ATL3: variants seen among roughly 807,000 people sequenced by gnomAD.
The protein encoded by ATL3 is atlastin GTPase 3, also known as atlastin-3.
Under a neutral mutation model 69.5 loss-of-function variants are expected in ATL3, and 49 were observed. The ratio of observed to expected loss-of-function variants is 0.71; its 90% CI spans 0.56 to 0.89. The LOEUF is 0.89. Ranked by LOEUF, ATL3 falls within the 40% of genes least tolerant of loss-of-function variation. The probability of loss-of-function intolerance (pLI) is 0.00; values close to 1 mark genes in which losing one functional copy is unlikely to be tolerated. For missense variants in ATL3, 606 were observed against 645.7 expected, an observed-to-expected ratio of 0.94 and a Z score of 0.67; for synonymous variants, 214 against 224.1, an observed-to-expected ratio of 0.95 and a Z score of 0.40.
At chr11:63,639,725 A>T (rs929434528) in intron 8 of ATL3, among the ~76,000 whole-genome samples, 16 of 152,196 alleles carry the variant, frequency 1.1e-4, no homozygotes, top group Non-Finnish European at 1.9e-4. Context: ...ACTGCACTCC[A>T]TCCTGGGCAA....
upstream of ATL3, chr11:63,671,689 CA>C: frequency 7.5e-7 from 1 of 1,324,650 alleles, no homozygotes; most frequent in Non-Finnish European, 9.8e-7. Context: ...GTCCCGCGCT[CA>C]CTGGGTCCCG....
Position 63,671,271 on chromosome 11 carries a change from G to A in ATL3, c.46+19C>T, listed in dbSNP as rs1247106004. The A allele has an allele frequency of 2.5e-6, 4 of 1,576,878 alleles. No homozygotes were observed. Among genetic ancestry groups the A allele is most frequent in the Non-Finnish European group, 3.4e-6 (4 of 1,164,148 alleles). On this transcript the variant is annotated intron_variant, in intron 1 of 12. Coordinates refer to ENST00000398868, the MANE Select transcript of ATL3 (RefSeq NM_015459.5). ...GCGGGGGTGGCCGCGGGGCGATCCA[G>A]GGAAAATCGGCGCCTCACCTGCTCC...
Position 63,647,051 on chromosome 11 carries a change from T to C in ATL3, c.562-488A>G, listed in dbSNP as rs147989346. 2.0e-4 allele frequency among the ~76,000 whole-genome samples: 31 copies of C among 152,312 alleles called. No homozygotes were observed. In the East Asian group the frequency reaches 6.0e-3, roughly 29 times the overall value. On this transcript the variant is annotated intron_variant, in intron 5 of 12. Transcript: ENST00000398868. ...TCGTACTGGCTCCTCCCACTAACTA[T>C]AAGTTCTTCTCCCAAATTTCCTCAT... is the stretch of plus-strand genomic sequence containing the variant.
intron 1 of ATL3, among the ~76,000 whole-genome samples, chr11:63,665,260 G>A (rs1470070695): frequency 2.0e-5 from 3 of 151,478 alleles, no homozygotes; most frequent in Admixed American, 6.6e-5. Context: ...CAGGAGAATC[G>A]CTTGAACCCC....
rs556712044 is a variant in ATL3, at chr11:63,660,556, T to G, written c.47-1304A>C. Among the ~76,000 whole-genome samples the G allele has an allele frequency of 9.2e-5, 14 of 152,298 alleles. No homozygotes were observed. The South Asian group carries it at 2.5e-3, about 27-fold the overall frequency. Reference sequence around the variant, plus strand: ...TATATCTGTGATCCAGCAATTCTACTCCTAGGTATACACCTAAGAGAAATG... The same window carrying G: ...TATATCTGTGATCCAGCAATTCTACGCCTAGGTATACACCTAAGAGAAATG... On this transcript the variant is annotated intron_variant, in intron 1 of 12. Coordinates refer to ENST00000398868, the MANE Select transcript of ATL3 (RefSeq NM_015459.5).
intron 6 of ATL3, among the ~76,000 whole-genome samples, chr11:63,645,221 C>T (rs945016392): frequency 6.6e-6 from 1 of 151,956 alleles, no homozygotes; most frequent in Non-Finnish European, 1.5e-5. Flanking sequence ...AGCCGGTCAA[C>T]ATGATGAAAC....
At chr11:63,632,583 A>C (rs1165846425) in intron 11 of ATL3, 6 of 852,496 alleles carry the variant, frequency 7.0e-6, no homozygotes, top group Admixed American at 3.4e-5. Flanking sequence ...ATAAATCTAC[A>C]GAATTCTACA....
intron 1 of ATL3, among the ~76,000 whole-genome samples, chr11:63,660,120 A>T (rs1348748657): frequency 6.6e-6 from 1 of 151,930 alleles, no homozygotes; most frequent in Non-Finnish European, 1.5e-5. Flanking sequence ...AGAAAATAAA[A>T]TGACAACACA....
In ATL3 at chr11:63,631,127, G is replaced by A. The variant is rs370704908; in HGVS notation, c.1452C>T (p.Leu484=). 10 of 1,614,020 alleles carry A rather than the reference G, an allele frequency of 6.2e-6. No homozygotes were observed. Among genetic ancestry groups the A allele is most frequent in the African/African-American group, 1.3e-5 (1 of 74,908 alleles). ...AATACCTGATGTAGCCCCAGGTGAG[G>A]AGTGCTATTAACAGTAGTCCAACCA... The part of the protein sequence containing the change: ...NCMVGLLLIA[L]LTWGYIRYSG... The change falls in exon 12 of 13, where the codon CTC becomes CTT. Residue 484 remains leucine (L), a synonymous_variant. Transcript: ENST00000398868.
intron 1 of ATL3, among the ~76,000 whole-genome samples, chr11:63,667,254 A>C (rs1940596407): frequency 6.6e-6 from 1 of 152,216 alleles, no homozygotes; most frequent in South Asian, 2.1e-4. Context: ...TCATTGCTGT[A>C]AATAGCTCAT....
chr11:63,660,137 A>C (rs572465287), intron 1 of ATL3, among the ~76,000 whole-genome samples: 1 of 152,050 alleles, frequency 6.6e-6, no homozygotes, highest in South Asian at 2.1e-4. Flanking sequence ...CACAGACTTC[A>C]TTAAAATTAA....
intron 8 of ATL3, among the ~76,000 whole-genome samples, chr11:63,638,105 A>T (rs1167156771): frequency 2.6e-5 from 4 of 152,226 alleles, no homozygotes; most frequent in African/African-American, 9.6e-5. Flanking sequence ...CAGGATCCAG[A>T]TGCTACACTT....
chr11:63,671,511 G>A (rs1940782225), upstream of ATL3: 2 of 1,442,516 alleles, frequency 1.4e-6, no homozygotes, highest in Non-Finnish European at 1.8e-6. Context: ...CGGTCTGCGT[G>A]GCCCAACGGA....
chr11:63,669,021 G>A (rs1260623958), intron 1 of ATL3, among the ~76,000 whole-genome samples: 2 of 136,750 alleles, frequency 1.5e-5, no homozygotes, highest in Non-Finnish European at 3.2e-5. Flanking sequence ...GGGTGGGGGG[G>A]GGCGTCTCAC....
chr11:63,671,303 G>A lies in ATL3; in HGVS notation c.33C>T (p.Ala11=), dbSNP rs765621573. Reference sequence around the variant, plus strand: ...TCGGCGCCTCACCTGCTCCTCTTGAGGCAGCTGCTGCCACTCGCTGAGGGG... The same window carrying A: ...TCGGCGCCTCACCTGCTCCTCTTGAAGCAGCTGCTGCCACTCGCTGAGGGG... The part of the protein sequence containing the change: MLSPQRVAAA[A]SRGADDAMES... Residue 11 remains alanine (A), a synonymous_variant, in exon 1 of 13, where the codon GCC becomes GCT. Coordinates refer to ENST00000398868, the MANE Select transcript of ATL3 (RefSeq NM_015459.5). 1.9e-6 allele frequency: 3 copies of A among 1,587,712 alleles called. No individual in the cohort carries two copies. Among genetic ancestry groups the A allele is most frequent in the Non-Finnish European group, 2.6e-6 (3 of 1,168,944 alleles).
In ATL3 at chr11:63,629,110, GA is replaced by G. The variant is rs1353930826; in HGVS notation, c.*208del. The G allele has an allele frequency of 4.5e-4, 252 of 554,446 alleles. 1 individual carries two copies. Among genetic ancestry groups the G allele is most frequent in the Non-Finnish European group, 3.9e-5 (12 of 309,122 alleles). 34.3% of individuals were successfully genotyped at this position (554,446 alleles called of 1,614,324 possible). Reference sequence around the variant, plus strand: ...ACAGGCTTGCATCTATAACAGCAAGGAAAAGAAATGCTTCCAAGAGAAATGG... The same window carrying G: ...ACAGGCTTGCATCTATAACAGCAAGGAAAGAAATGCTTCCAAGAGAAATGG... On this transcript the variant is annotated 3_prime_UTR_variant, in exon 13 of 13. Transcript: ENST00000398868.
At chr11:63,644,613 A>G (rs1419952712) in intron 6 of ATL3, among the ~76,000 whole-genome samples, 3 of 151,450 alleles carry the variant, frequency 2.0e-5, no homozygotes, top group Non-Finnish European at 2.9e-5. Flanking sequence ...CTGGTCTTGA[A>G]CTCTAGGCCT....
intron 12 of ATL3, 55 bp downstream of exon 12, chr11:63,630,984 GA>G: frequency 6.7e-7 from 1 of 1,502,462 alleles, no homozygotes; most frequent in Non-Finnish European, 8.9e-7. Flanking sequence ...TTTTACAACA[GA>G]AGCACAAATA....
chr11:63,632,413 AGAG>A (rs1341124823), intron 11 of ATL3: 3 of 842,998 alleles, frequency 3.6e-6, no homozygotes, highest in Non-Finnish European at 4.2e-6. Context: ...TAGTATCCAA[AGAG>A]GTGACATTGT....
Sources: allele counts gnomAD v4.1 joint callset (sites outside exome capture counted in the v4.1 genomes callset), GRCh38; gene constraint gnomAD v4.1.1; transcripts MANE v1.5; gene names NCBI Gene and HGNC (gene_info 2026-07-23, HGNC 2026-07-21).